The following WDR70 variants were observed in gnomAD, a reference collection of about 807,000 sequenced individuals.
WDR70 encodes WD repeat-containing protein 70.
WDR70 carries 53 observed loss-of-function variants against 88.6 expected under a neutral mutation model. The observed-to-expected ratio is 0.60, with a 90% CI of 0.48 to 0.75. WDR70 has a LOEUF of 0.75. Among genes scored for constraint, WDR70 ranks in the 30% least tolerant of loss-of-function variants. The pLI is 0.00. For missense variants in WDR70, 610 were observed against 823.2 expected, an observed-to-expected ratio of 0.74 and a Z score of 3.17; for synonymous variants, 280 against 270.0, an observed-to-expected ratio of 1.04 and a Z score of -0.36.
chr5:37,593,792 T>C (rs952898863), intron 9 of WDR70, among the ~76,000 whole-genome samples: 2 of 152,174 alleles, frequency 1.3e-5, no homozygotes, highest in African/African-American at 2.4e-5. Context: ...CCCATTTCTC[T>C]ACATCCTCTC....
intron 8 of WDR70, among the ~76,000 whole-genome samples, chr5:37,502,667 G>C (rs1436998586): frequency 1.3e-5 from 2 of 152,178 alleles, no homozygotes; most frequent in African/African-American, 4.8e-5. Context: ...TATAAGAAAA[G>C]AAGTTTAACT....
intron 10 of WDR70, among the ~76,000 whole-genome samples, chr5:37,650,901 T>G (rs1487447508): frequency 1.3e-5 from 2 of 152,100 alleles, no homozygotes; most frequent in African/African-American, 4.8e-5. Context: ...AATTCTGCCT[T>G]GAAATGCAAC....
At chr5:37,558,629 G>A (rs1056114900) in intron 9 of WDR70, among the ~76,000 whole-genome samples, 1 of 151,938 alleles carries the variant, frequency 6.6e-6, no homozygotes, top group Non-Finnish European at 1.5e-5. Context: ...CCCAGCCCAC[G>A]TTGATTCTTT....
At position 37,701,051 on chromosome 5, in the gene WDR70, C is replaced by G; in HGVS notation, c.1193-7C>G. On this transcript the variant is annotated splice_region_variant and splice_polypyrimidine_tract_variant and intron_variant, in intron 11 of 17. Transcript: ENST00000265107. ...CTGTCTTTTTTTTCCCCTCATTCCT[C>G]TGTCAGGTGACGATTCATTAAAATT... 3.1e-6 allele frequency: 5 copies of G among 1,592,316 alleles called. No individual in the cohort carries two copies. The highest frequency in any genetic ancestry group is 4.3e-6 in the Non-Finnish European group (5 of 1,160,892).
chr5:37,487,627 A>ATTTTTTTTTTTTTTTTTTT (rs70978825), intron 8 of WDR70, among the ~76,000 whole-genome samples: 1 of 69,070 alleles, frequency 1.4e-5, no homozygotes, highest in African/African-American at 5.0e-5. Flanking sequence ...ATATATATGT[A>ATTTTTTTTTTTTTTTTTTT]TTTTTTTTTT....
intron 10 of WDR70, among the ~76,000 whole-genome samples, chr5:37,678,798 A>G (rs553282035): frequency 2.2e-5 from 3 of 139,042 alleles, no homozygotes; most frequent in South Asian, 2.3e-4. Context: ...GATTGGGGAA[A>G]TTCTCCTGGA....
At chr5:37,556,799 C>T (rs1435496648) in intron 9 of WDR70, among the ~76,000 whole-genome samples, 1 of 152,144 alleles carries the variant, frequency 6.6e-6, no homozygotes, top group Admixed American at 6.5e-5. Flanking sequence ...ATTAGGGATA[C>T]AGCAAAACCC....
At chr5:37,500,665 GCATTC>G (rs1740378983) in intron 8 of WDR70, among the ~76,000 whole-genome samples, 1 of 143,946 alleles carries the variant, frequency 6.9e-6, no homozygotes, top group Admixed American at 7.0e-5. Flanking sequence ...GTTTTAATGT[GCATTC>G]CCCCAGTGAT....
chr5:37,511,309 G>A (rs1740713455), intron 8 of WDR70, among the ~76,000 whole-genome samples: 1 of 152,096 alleles, frequency 6.6e-6, no homozygotes, highest in Non-Finnish European at 1.5e-5. Flanking sequence ...CCTTGTTTTA[G>A]TGAATGGTTT....
At chr5:37,570,899 T>G (rs183327902) in intron 9 of WDR70, among the ~76,000 whole-genome samples, 13 of 152,288 alleles carry the variant, frequency 8.5e-5, no homozygotes, top group Non-Finnish European at 1.6e-4. Context: ...CAAAATTATT[T>G]TCTTGCCCTA....
intron 10 of WDR70, among the ~76,000 whole-genome samples, chr5:37,631,760 G>C (rs1054284259): frequency 2.6e-5 from 4 of 152,134 alleles, no homozygotes; most frequent in African/African-American, 9.7e-5. Context: ...GAAAGGTAGT[G>C]ACTCTAGAGG....
At chr5:37,423,560 T>G (rs1357556329) in intron 5 of WDR70, among the ~76,000 whole-genome samples, 1 of 146,118 alleles carries the variant, frequency 6.8e-6, no homozygotes, top group African/African-American at 2.4e-5. Context: ...TTGTTTTTTT[T>G]TGTCTTTTTT....
chr5:37,604,977 C>T lies in WDR70; in HGVS notation c.918-87C>T, dbSNP rs1156808323. The T allele has an allele frequency of 1.4e-5, 16 of 1,171,222 alleles. No individual in the cohort carries two copies. The South Asian group carries it at 3.6e-4, about 27-fold the overall frequency. The allele number at this position is 1,171,222 out of a possible 1,614,324, so 72.6% of individuals were successfully genotyped here. ...AGATTTATGTGCCAAAATGGCGAAGCAGTCTTTATGGACTCTTCCCTATTT... is the reference window on the plus strand; with the variant it reads ...AGATTTATGTGCCAAAATGGCGAAGTAGTCTTTATGGACTCTTCCCTATTT... On this transcript the variant is annotated intron_variant, in intron 9 of 17. Coordinates refer to ENST00000265107, the MANE Select transcript of WDR70 (RefSeq NM_018034.4).
intron 3 of WDR70, among the ~76,000 whole-genome samples, chr5:37,385,035 A>G (rs138922059): frequency 6.6e-6 from 1 of 152,200 alleles, no homozygotes; most frequent in Non-Finnish European, 1.5e-5. Flanking sequence ...ACAGGGAAAC[A>G]CTTTACTTGC....
intron 3 of WDR70, among the ~76,000 whole-genome samples, chr5:37,385,725 A>G (rs1339715024): frequency 6.6e-6 from 1 of 151,916 alleles, no homozygotes; most frequent in South Asian, 2.1e-4. Flanking sequence ...CTAATGAATA[A>G]CAAGAGACAG....
At chr5:37,441,173 G>T (rs752644160) in intron 6 of WDR70, among the ~76,000 whole-genome samples, 6 of 152,178 alleles carry the variant, frequency 3.9e-5, no homozygotes, top group Non-Finnish European at 7.3e-5. Flanking sequence ...CATAATGAAC[G>T]TAGAGGCAAG....
At chr5:37,414,746 T>C (rs536121425) in intron 5 of WDR70, among the ~76,000 whole-genome samples, 1 of 152,322 alleles carries the variant, frequency 6.6e-6, no homozygotes, top group South Asian at 2.1e-4. Context: ...AAACATTTCA[T>C]TGAATCAAAG....
At chr5:37,435,155 T>C (rs148123403) in intron 5 of WDR70, among the ~76,000 whole-genome samples, 1 of 152,340 alleles carries the variant, frequency 6.6e-6, no homozygotes, top group Admixed American at 6.5e-5. Context: ...CTTGTAAATT[T>C]TTTTAAGTGT....
intron 9 of WDR70, among the ~76,000 whole-genome samples, chr5:37,535,222 CT>C (rs1187863608): frequency 1.0e-3 from 144 of 144,356 alleles, no homozygotes; most frequent in Admixed American, 1.1e-3. Flanking sequence ...TTGGAATTGA[CT>C]TTTTTTTTTT....
Sources: gnomAD v4.1 joint callset for allele counts (sites outside exome capture counted in the v4.1 genomes callset) on GRCh38, gnomAD v4.1.1 for gene constraint, MANE v1.5 for transcripts, NCBI Gene and HGNC (gene_info 2026-07-23, HGNC 2026-07-21) for gene names.